Variants in JAZF1 observed in about 807,000 individuals in gnomAD.
The protein encoded by JAZF1 is JAZF zinc finger 1.
In JAZF1, 8 loss-of-function variants were observed where a neutral mutation model predicts 26.4. The observed-to-expected ratio is 0.30, with a 90% CI of 0.18 to 0.55. JAZF1 has a LOEUF of 0.55. Ranked by LOEUF, JAZF1 falls within the 20% of genes least tolerant of loss-of-function variation. The probability of loss-of-function intolerance (pLI) is 0.94; values close to 1 mark genes in which losing one functional copy is unlikely to be tolerated. For missense variants in JAZF1, 199 were observed against 322.0 expected (o/e 0.62, Z 2.92); for synonymous variants, 126 against 122.3 (o/e 1.03, Z -0.20).
chr7:27,836,089 T>C (rs1443689780), intron 4 of JAZF1, among the ~76,000 whole-genome samples: 1 of 152,184 alleles, frequency 6.6e-6, no homozygotes, highest in Non-Finnish European at 1.5e-5. Flanking sequence ...CCCAGGGATG[T>C]CCAATCCATA....
intron 2 of JAZF1, among the ~76,000 whole-genome samples, chr7:27,951,081 C>G (rs757434954): frequency 2.6e-5 from 4 of 152,288 alleles, no homozygotes; most frequent in South Asian, 2.1e-4. Context: ...GGTGAACCCA[C>G]GTAACCCAGC....
chr7:28,106,339 A>G (rs1008764969), intron 1 of JAZF1, among the ~76,000 whole-genome samples: 3 of 152,196 alleles, frequency 2.0e-5, no homozygotes, highest in African/African-American at 4.8e-5. Flanking sequence ...TAATGTTCCA[A>G]TAGCCACTCT....
intron 1 of JAZF1, among the ~76,000 whole-genome samples, chr7:28,148,501 T>C (rs1485853340): frequency 6.6e-6 from 1 of 152,212 alleles, no homozygotes; most frequent in Non-Finnish European, 1.5e-5. Context: ...TTATTTGCTA[T>C]TGTAAATAGA....
chr7:27,834,333 G>A (rs1782765368), intron 4 of JAZF1, among the ~76,000 whole-genome samples: 1 of 152,200 alleles, frequency 6.6e-6, no homozygotes, highest in Admixed American at 6.5e-5. Flanking sequence ...CTAGAGATGT[G>A]CAGTACACAT....
chr7:28,000,125 GAGTATTAGTTGC>G (rs1786109111), intron 1 of JAZF1, among the ~76,000 whole-genome samples: 1 of 152,148 alleles, frequency 6.6e-6, no homozygotes, highest in African/African-American at 2.4e-5. Flanking sequence ...GTGAGTTGAA[GAGTATTAGTTGC>G]AGTATTAGTA....
intron 2 of JAZF1, among the ~76,000 whole-genome samples, chr7:27,973,178 T>A (rs1035692430): frequency 1.3e-5 from 2 of 152,182 alleles, no homozygotes; most frequent in African/African-American, 2.4e-5. Flanking sequence ...TACACAATTT[T>A]AAAATTTCTA....
chr7:28,027,140 A>G (rs1390887843), intron 1 of JAZF1, among the ~76,000 whole-genome samples: 1 of 152,136 alleles, frequency 6.6e-6, no homozygotes, highest in East Asian at 1.9e-4. Flanking sequence ...CCTGGAGAAA[A>G]CAGCCTGAAT....
intron 3 of JAZF1, among the ~76,000 whole-genome samples, chr7:27,865,630 T>C (rs1488186733): frequency 6.8e-6 from 1 of 146,564 alleles, no homozygotes; most frequent in Non-Finnish European, 1.5e-5. Flanking sequence ...AGAAGGGGAG[T>C]TTTTGGCGAC....
At chr7:28,088,064 G>C (rs145204559) in intron 1 of JAZF1, among the ~76,000 whole-genome samples, 178 of 152,206 alleles carry the variant, frequency 1.2e-3, no homozygotes, top group African/African-American at 3.9e-3. Flanking sequence ...CCCTCATACA[G>C]ATTAGATGCC....
chr7:28,153,716 G>A (rs549318002), intron 1 of JAZF1, among the ~76,000 whole-genome samples: 1 of 152,236 alleles, frequency 6.6e-6, no homozygotes, highest in South Asian at 2.1e-4. Flanking sequence ...GGCTTCCAGA[G>A]CCTTCATTTC....
chr7:27,957,037 A>C (rs1562540112), intron 2 of JAZF1, among the ~76,000 whole-genome samples: 2 of 152,126 alleles, frequency 1.3e-5, no homozygotes, highest in Non-Finnish European at 2.9e-5. Context: ...CGTGCCGCTG[A>C]CTCAGTTCTG....
chr7:28,052,984 A>AT (rs1783640612), intron 1 of JAZF1, among the ~76,000 whole-genome samples: 2 of 152,104 alleles, frequency 1.3e-5, no homozygotes, highest in South Asian at 4.1e-4. Flanking sequence ...TTAAATACTA[A>AT]TTTCCTCCCC....
At chr7:28,013,589 C>T (rs922885507) in intron 1 of JAZF1, among the ~76,000 whole-genome samples, 6 of 152,220 alleles carry the variant, frequency 3.9e-5, no homozygotes, top group East Asian at 1.9e-4. Flanking sequence ...CTCAGAACCA[C>T]GCTTCTAGAA....
chr7:28,007,874 G>T (rs973910484), intron 1 of JAZF1, among the ~76,000 whole-genome samples: 2 of 152,234 alleles, frequency 1.3e-5, no homozygotes, highest in Admixed American at 6.5e-5. Flanking sequence ...CCCATTACTA[G>T]CATTCCCCAC....
intron 1 of JAZF1, among the ~76,000 whole-genome samples, chr7:28,143,774 A>G (rs531419844): frequency 2.6e-5 from 4 of 152,362 alleles, no homozygotes; most frequent in African/African-American, 9.6e-5. Context: ...CAGGTCTTAA[A>G]GAGGGTCCTT....
At chr7:27,955,047 C>T (rs866001018) in intron 2 of JAZF1, among the ~76,000 whole-genome samples, 3 of 152,172 alleles carry the variant, frequency 2.0e-5, no homozygotes, top group Non-Finnish European at 2.9e-5. Context: ...CATGAGCCAC[C>T]GTGCCCAGCC....
rs78724645 is a variant in JAZF1, at chr7:28,156,278, G to C, written c.115+24185C>G. On this transcript the variant is annotated intron_variant, in intron 1 of 4. Transcript: ENST00000283928. The stretch of plus-strand genomic sequence containing the variant: ...GGCTGTAGAGGCCCCTTTTCACACA[G>C]AGGAACCAGTCAAGGACTGAGATTG... Among the ~76,000 whole-genome samples the C allele has an allele frequency of 3.2e-3, 480 of 152,346 alleles. 5 individuals are homozygous for C. The highest frequency in any genetic ancestry group is 6.6e-3 in the East Asian group (34 of 5,184).
chr7:27,954,335 T>G (rs949837356), intron 2 of JAZF1, among the ~76,000 whole-genome samples: 10 of 152,304 alleles, frequency 6.6e-5, no homozygotes, highest in African/African-American at 2.2e-4. Flanking sequence ...AGATGGCCCC[T>G]GGAAGCTCAG....
At chr7:28,111,032 G>A (rs115277670) in intron 1 of JAZF1, among the ~76,000 whole-genome samples, 3,199 of 152,232 alleles carry the variant, frequency 0.021, 120 homozygotes, top group African/African-American at 0.074. Context: ...TGATTTTCTG[G>A]CTTTGAGTTT....
Sources: gnomAD v4.1 joint callset for allele counts (sites outside exome capture counted in the v4.1 genomes callset) on GRCh38, gnomAD v4.1.1 for gene constraint, MANE v1.5 for transcripts, NCBI Gene and HGNC (gene_info 2026-07-23, HGNC 2026-07-21) for gene names.